The following SIDT1 variants were observed in gnomAD, a reference collection of about 807,000 sequenced individuals.
The protein encoded by SIDT1 is SID1 transmembrane family, member 1.
Under a neutral mutation model 107.5 loss-of-function variants are expected in SIDT1, and 101 were observed. That is an observed-to-expected ratio of 0.94 (90% CI 0.80 to 1.11). The LOEUF (loss-of-function observed/expected upper bound fraction) is 1.11. Ranked by LOEUF, SIDT1 falls within the 50% of genes least tolerant of loss-of-function variation. The pLI is 0.00. For synonymous variants in SIDT1, 395 were observed against 398.2 expected, an observed-to-expected ratio of 0.99 and a Z score of 0.10; for missense variants, 1,076 against 1,058.2, an observed-to-expected ratio of 1.02 and a Z score of -0.23.
intron 1 of SIDT1, among the ~76,000 whole-genome samples, chr3:113,554,565 C>G (rs1289418443): frequency 6.6e-6 from 1 of 152,180 alleles, no homozygotes; most frequent in Non-Finnish European, 1.5e-5. Flanking sequence ...TGCCTTTGCT[C>G]CTCCTTTGCC....
At chr3:113,560,627 T>C (rs1265713681) in intron 1 of SIDT1, among the ~76,000 whole-genome samples, 2 of 152,204 alleles carry the variant, frequency 1.3e-5, no homozygotes, top group African/African-American at 4.8e-5. Flanking sequence ...GATACTGTTG[T>C]AGCTGTTTTA....
intron 1 of SIDT1, among the ~76,000 whole-genome samples, chr3:113,542,929 TG>T (rs1368550884): frequency 3.6e-4 from 55 of 151,206 alleles, no homozygotes; most frequent in Admixed American, 1.1e-3. Flanking sequence ...TGTGTGTGTG[TG>T]TGTGTGTGTT....
intron 9 of SIDT1, 23 bp downstream of exon 9, chr3:113,585,293 T>C (rs1943663097): frequency 6.5e-7 from 1 of 1,527,598 alleles, no homozygotes; most frequent in African/African-American, 1.4e-5. Context: ...TTTCTAGAAA[T>C]GTTAATTCCC....
At chr3:113,538,015 T>C (rs1228904766) in intron 1 of SIDT1, among the ~76,000 whole-genome samples, 1 of 152,160 alleles carries the variant, frequency 6.6e-6, no homozygotes, top group Admixed American at 6.5e-5. Context: ...ACTCCTGGCC[T>C]CACGTGATCC....
In SIDT1 at chr3:113,535,280, GTT is replaced by G. The variant is rs11288702; in HGVS notation, c.222+2047_222+2048del. Among the ~76,000 whole-genome samples, 374 of 148,818 alleles carry G rather than the reference GTT, an allele frequency of 2.5e-3. 1 individual carries two copies. The highest frequency in any genetic ancestry group is 8.3e-3 in the African/African-American group (336 of 40,650). ...GAGTGATACCCTGTTTTTTCAAAAT[GTT>G]TTTTTTTTTAAAGAAAAGAGAGGCT... On this transcript the variant is annotated intron_variant, in intron 1 of 24. Coordinates refer to ENST00000264852, the MANE Select transcript of SIDT1 (RefSeq NM_017699.3).
At chr3:113,612,268 T>C (rs373929902) in intron 19 of SIDT1, 74 bp downstream of exon 19, 1 of 1,071,660 alleles carries the variant, frequency 9.3e-7, no homozygotes, top group Non-Finnish European at 1.4e-6. Flanking sequence ...CCTTTACTTA[T>C]GCTGAATGAA....
chr3:113,600,780 C>A (rs547954924), intron 10 of SIDT1, among the ~76,000 whole-genome samples: 245 of 152,340 alleles, frequency 1.6e-3, no homozygotes, highest in Admixed American at 2.7e-3. Flanking sequence ...GGTTGAAAAG[C>A]ATAGATGGTA....
In SIDT1 at chr3:113,578,100, T is replaced by C. The variant is rs150659658; in HGVS notation, c.561+1133T>C. ...GCCCTTAATATACTGCCCTCAATAT[T>C]TATTGACTATTTAATTTCAAGAAAT... On this transcript the variant is annotated intron_variant, in intron 4 of 24. Coordinates refer to ENST00000264852, the MANE Select transcript of SIDT1 (RefSeq NM_017699.3). Among the ~76,000 whole-genome samples the C allele has an allele frequency of 4.5e-3, 687 of 152,322 alleles. 6 individuals carry two copies. Among genetic ancestry groups the C allele is most frequent in the African/African-American group, 0.016 (645 of 41,572 alleles).
chr3:113,617,069 T>C (rs934146803), intron 20 of SIDT1, among the ~76,000 whole-genome samples: 1 of 152,194 alleles, frequency 6.6e-6, no homozygotes, highest in African/African-American at 2.4e-5. Context: ...CAGTGTACCC[T>C]TATAAATAAT....
intron 1 of SIDT1, among the ~76,000 whole-genome samples, chr3:113,544,678 A>C (rs1269986862): frequency 6.6e-6 from 1 of 152,232 alleles, no homozygotes; most frequent in Non-Finnish European, 1.5e-5. Flanking sequence ...CAGAACTGGC[A>C]CTGCATCCTT....
the SIDT1 span, among the ~76,000 whole-genome samples, chr3:113,636,873 C>T: frequency 2.0e-5 from 3 of 152,060 alleles, no homozygotes; most frequent in Admixed American, 1.3e-4. Flanking sequence ...GCAGGAGAGG[C>T]GGAAATGAGG....
intron 17 of SIDT1, among the ~76,000 whole-genome samples, 169 bp from the exon 18 acceptor site, chr3:113,610,839 G>T (rs1368589563): frequency 6.6e-6 from 1 of 152,160 alleles, no homozygotes; most frequent in African/African-American, 2.4e-5. Context: ...GTCTCCTAGA[G>T]AATGTGCCAA....
chr3:113,608,007 AATTC>A, intron 15 of SIDT1, 83 bp from the exon 16 acceptor site: 1 of 1,363,650 alleles, frequency 7.3e-7, no homozygotes, highest in Non-Finnish European at 9.7e-7. Flanking sequence ...ATTCATGCTG[AATTC>A]ATTCATTCCT....
intron 15 of SIDT1, 73 bp from the exon 16 acceptor site, chr3:113,608,020 CT>C (rs1945460820): frequency 7.1e-7 from 1 of 1,410,306 alleles, no homozygotes; most frequent in Non-Finnish European, 9.4e-7. Flanking sequence ...TCATTCATTC[CT>C]TCATGCATCA....
Position 113,611,004 on chromosome 3 carries a change from T to C in SIDT1, c.1721-4T>C, listed in dbSNP as rs1255438342. On this transcript the variant is annotated splice_region_variant and splice_polypyrimidine_tract_variant and intron_variant, in intron 17 of 24. Coordinates refer to ENST00000264852, the MANE Select transcript of SIDT1 (RefSeq NM_017699.3). The stretch of plus-strand genomic sequence containing the variant: ...ATCATCTGGCTCCTCCTTTGGGTCC[T>C]CAGACACCTCCTTCATGTACATGAT... The C allele has an allele frequency of 6.2e-7, 1 of 1,613,346 alleles. No individual in the cohort carries two copies. The highest frequency in any genetic ancestry group is 1.7e-5 in the Admixed American group (1 of 59,914).
intron 20 of SIDT1, 152 bp from the exon 21 acceptor site, chr3:113,619,528 G>C (rs1163361666): frequency 1.5e-6 from 1 of 673,688 alleles, no homozygotes. Flanking sequence ...TATACGATTA[G>C]TGTCAGATCA....
At chr3:113,633,624 C>T (rs1218417439), downstream of SIDT1, among the ~76,000 whole-genome samples, 2 of 152,152 alleles carry the variant, frequency 1.3e-5, no homozygotes, top group Non-Finnish European at 2.9e-5. Flanking sequence ...GGAAAGATAG[C>T]TGCTTTGAGT....
chr3:113,560,482 A>G lies in SIDT1; in HGVS notation c.223-5938A>G, dbSNP rs116802046. Among the ~76,000 whole-genome samples the G allele has an allele frequency of 5.5e-3, 842 of 152,334 alleles. 7 individuals are homozygous for G. Among genetic ancestry groups the G allele is most frequent in the African/African-American group, 0.019 (798 of 41,560 alleles). On this transcript the variant is annotated intron_variant, in intron 1 of 24. Transcript: ENST00000264852. ...AGGGCAAATCCTCAGTAAATGTTTG[A>G]TGGATGAGAGTGGGAGCATGGGAAA... is the stretch of plus-strand genomic sequence containing the variant.
chr3:113,630,865 T>A (rs1577014838), downstream of SIDT1, among the ~76,000 whole-genome samples: 1 of 152,156 alleles, frequency 6.6e-6, no homozygotes, highest in Admixed American at 6.5e-5. Flanking sequence ...AGTGGATCCA[T>A]CAGCCAGTCT....
Sources: gnomAD v4.1 joint callset for allele counts (sites outside exome capture counted in the v4.1 genomes callset) on GRCh38, gnomAD v4.1.1 for gene constraint, MANE v1.5 for transcripts, NCBI Gene and HGNC (gene_info 2026-07-23, HGNC 2026-07-21) for gene names.